The following ZNF707 variants were observed in gnomAD, a reference collection of about 807,000 sequenced individuals.
ZNF707 encodes zinc finger protein 707.
ZNF707 carries 8 observed loss-of-function variants against 13.3 expected under a neutral mutation model. The ratio of observed to expected loss-of-function variants is 0.60; its 90% CI spans 0.35 to 1.09. The LOEUF is 1.09. ZNF707 is among the 50% of genes least tolerant of loss of function. The pLI is 0.02. For synonymous variants in ZNF707, 225 were observed against 205.6 expected (o/e 1.09, Z -0.81); for missense variants, 530 against 512.6 (o/e 1.03, Z -0.33).
chr8:143,686,091 T>TTTTTTG (rs573364379), intron 1 of ZNF707, among the ~76,000 whole-genome samples: 15 of 147,762 alleles, frequency 1.0e-4, no homozygotes, highest in Non-Finnish European at 1.8e-4. Flanking sequence ...AGGGTGTTTT[T>TTTTTTG]TTTTTGTTTT....
At position 143,694,683 on chromosome 8, in the gene ZNF707, A is replaced by G; in HGVS notation, c.*153A>G. 3.6e-6 allele frequency: 3 copies of G among 842,828 alleles called. No individual in the cohort carries two copies. Among genetic ancestry groups the G allele is most frequent in the Non-Finnish European group, 5.3e-6 (3 of 571,362 alleles). The allele number at this position is 842,828 out of a possible 1,614,324, so 52.2% of individuals were successfully genotyped here. A position where few individuals can be genotyped will look rare whatever the true frequency, so the allele number is the denominator to read the frequency against. Reference sequence around the variant, plus strand: ...AGCTCCCCAGTCCCCCGAGAAGTTTACTGGGAAAACTGCCAGGTGGGAGAA... The same window carrying G: ...AGCTCCCCAGTCCCCCGAGAAGTTTGCTGGGAAAACTGCCAGGTGGGAGAA... On this transcript the variant is annotated 3_prime_UTR_variant, in exon 6 of 6. Transcript: ENST00000358656. The surrounding 1 kb of genome is among the most constrained non-coding windows in gnomAD (Gnocchi z 4.4).
At chr8:143,691,257 C>A in intron 4 of ZNF707, 58 bp downstream of exon 4, 1 of 1,554,702 alleles carries the variant, frequency 6.4e-7, no homozygotes. Context: ...AGCTCTGCCG[C>A]TGCCTCTGGG....
chr8:143,693,509 A>G lies in ZNF707; in HGVS notation c.257-162A>G, dbSNP rs1554614197. 6.7e-6 allele frequency among the ~76,000 whole-genome samples: 1 copy of G among 149,992 alleles called. No homozygotes were observed. The highest frequency in any genetic ancestry group is 2.5e-5 in the African/African-American group (1 of 40,510). On this transcript the variant is annotated intron_variant, in intron 5 of 5. Transcript: ENST00000358656. The surrounding 1 kb of genome is among the most constrained non-coding windows in gnomAD (Gnocchi z 4.1). ...ACGGGGTTTCACCTTGTTAGCCAGG[A>G]TGGTCTCGATCTCCTGACCTCATGA...
chr8:143,690,955 G>A, intron 3 of ZNF707, 118 bp from the exon 4 acceptor site: 1 of 1,312,020 alleles, frequency 7.6e-7, no homozygotes, highest in Non-Finnish European at 1.0e-6. Context: ...ATGGATTTAG[G>A]GGACACAAAC....
rs879955209 is a variant in ZNF707, at chr8:143,694,216, G to A, written c.802G>A (p.Ala268Thr). The change falls in exon 6 of 6, where the codon GCC (alanine) becomes ACC (threonine). Residue 268 changes from alanine (A) to threonine (T), a missense_variant. By Grantham distance (58) the Ala-to-Thr change is moderately conservative. Coordinates refer to ENST00000358656, the MANE Select transcript of ZNF707 (RefSeq NM_001100598.2). This position sits in a 1 kb window ranked among gnomAD's most constrained non-coding sequence, Gnocchi z 4.4. ...CTACTCGTGTGGCGACTGTGGGAAA[G>A]CCTTCAAGCAGAAGTCCAACCTTCT... ...RPYSCGDCGK[A>T]FKQKSNLLRH... is the part of the protein sequence containing the mutation. 1 of 1,581,984 alleles carries A rather than the reference G, an allele frequency of 6.3e-7. No homozygotes were observed. Among genetic ancestry groups the A allele is most frequent in the Non-Finnish European group, 8.6e-7 (1 of 1,164,586 alleles).
chr8:143,691,231 G>A (rs1554613523), intron 4 of ZNF707, 32 bp downstream of exon 4: 2 of 1,588,326 alleles, frequency 1.3e-6, no homozygotes, highest in Non-Finnish European at 1.7e-6. Flanking sequence ...CGTGAGCACA[G>A]GGTGAGTGCT....
Position 143,693,987 on chromosome 8 carries a change from G to C in ZNF707, c.573G>C (p.Leu191=), listed in dbSNP as rs782450752. 3 of 1,602,850 alleles carry C rather than the reference G, an allele frequency of 1.9e-6. No homozygotes were observed. Among genetic ancestry groups the C allele is most frequent in the African/African-American group, 2.7e-5 (2 of 74,804 alleles). Residue 191 remains leucine, a synonymous_variant, in exon 6 of 6, where the codon CTG becomes CTC. Coordinates refer to ENST00000358656, the MANE Select transcript of ZNF707 (RefSeq NM_001100598.2). This position sits in a 1 kb window ranked among gnomAD's most constrained non-coding sequence, Gnocchi z 4.1. ...CGKALSCHSR[L]LAHQTVHTGT... ...AGGCGCTCAGCTGCCACAGCCGGCT[G>C]CTCGCTCACCAGACGGTGCACACGG...
At chr8:143,685,774 T>C (rs1554611816) in intron 1 of ZNF707, among the ~76,000 whole-genome samples, 1 of 151,284 alleles carries the variant, frequency 6.6e-6, no homozygotes, top group Non-Finnish European at 1.5e-5. Context: ...GCCCAGGAGG[T>C]CGAGGCTGCA....
Position 143,691,732 on chromosome 8 carries a change from G to T in ZNF707, c.256+19G>T. 1 of 1,552,396 alleles carries T rather than the reference G, an allele frequency of 6.4e-7. No homozygotes were observed. Among genetic ancestry groups the T allele is most frequent in the South Asian group, 1.2e-5 (1 of 84,598 alleles). On this transcript the variant is annotated intron_variant, in intron 5 of 5. Coordinates refer to ENST00000358656, the MANE Select transcript of ZNF707 (RefSeq NM_001100598.2). ...CGGCCAGGTGAGTGCTGGGCTGTCT[G>T]GGCTCGGCGGGCCCCGTCCCTGTGG...
chr8:143,692,139 G>C, intron 5 of ZNF707: 2 of 1,304,060 alleles, frequency 1.5e-6, no homozygotes, highest in Non-Finnish European at 2.0e-6. Flanking sequence ...TTTGCTCCAC[G>C]TCCTTGTTTG....
Position 143,691,580 on chromosome 8 carries a change from CT to C in ZNF707, c.143-16del. 1 of 1,584,180 alleles carries C rather than the reference CT, an allele frequency of 6.3e-7. No homozygotes were observed. The highest frequency in any genetic ancestry group is 8.6e-7 in the Non-Finnish European group (1 of 1,165,048). On this transcript the variant is annotated intron_variant, in intron 4 of 5. Coordinates refer to ENST00000358656, the MANE Select transcript of ZNF707 (RefSeq NM_001100598.2). ...GTCCTCAGTACAAGTAAAACAGAAA[CT>C]TTTCTCTCCTTTGAGAAGGATTTTG...
chr8:143,686,600 C>T (rs546068778), intron 1 of ZNF707, among the ~76,000 whole-genome samples: 1 of 152,142 alleles, frequency 6.6e-6, no homozygotes, highest in South Asian at 2.1e-4. Context: ...TTATATAAGT[C>T]CTTTGTCAGA....
rs1554614539 is a variant in ZNF707 at position 143,694,053 on chromosome 8, C to T, written c.639C>T (p.Phe213=). The change falls in exon 6 of 6, where the codon TTC becomes TTT. Residue 213 remains phenylalanine, a synonymous_variant. Transcript: ENST00000358656. This position sits in a 1 kb window ranked among gnomAD's most constrained non-coding sequence, Gnocchi z 4.4. ...AGTGCCCCGAGTGCGGCCAGACCTT[C>T]CGGTGGGCTTCAAACCTGCAGCGCC... ...AFECPECGQT[F]RWASNLQRHQ... 6.2e-7 allele frequency: 1 copy of T among 1,607,780 alleles called. No homozygotes were observed. The highest frequency in any genetic ancestry group is 8.5e-7 in the Non-Finnish European group (1 of 1,178,020).
chr8:143,693,626 C>G lies in ZNF707; in HGVS notation c.257-45C>G. On this transcript the variant is annotated intron_variant, in intron 5 of 5. Transcript: ENST00000358656. This position sits in a 1 kb window ranked among gnomAD's most constrained non-coding sequence, Gnocchi z 4.1. ...GGGCTTTGCTGGAGGCACTGCCTGG[C>G]TGTGGGCCACTGGCTCTGTGTAAGG... is the stretch of plus-strand genomic sequence containing the variant. The G allele has an allele frequency of 6.7e-7, 1 of 1,494,868 alleles. No individual in the cohort carries two copies. Among genetic ancestry groups the G allele is most frequent in the Non-Finnish European group, 8.9e-7 (1 of 1,123,076 alleles). The allele number at this position is 1,494,868 out of a possible 1,614,324, so 92.6% of individuals were successfully genotyped here. A position where few individuals can be genotyped will look rare whatever the true frequency, so the allele number is the denominator to read the frequency against.
chr8:143,689,562 C>T (rs1554612958), intron 2 of ZNF707, among the ~76,000 whole-genome samples: 1 of 152,142 alleles, frequency 6.6e-6, no homozygotes, highest in Non-Finnish European at 1.5e-5. Flanking sequence ...ATTGGGGTTT[C>T]TCGGGGCTGC....
At chr8:143,690,155 C>G in intron 3 of ZNF707, 32 bp downstream of exon 3, 1 of 1,601,834 alleles carries the variant, frequency 6.2e-7, no homozygotes, top group African/African-American at 1.3e-5. Context: ...CGCAGCCTCC[C>G]TTCTGCCCTG....
intron 1 of ZNF707, chr8:143,687,132 A>G (rs1816362837): frequency 6.6e-6 from 1 of 151,982 alleles, no homozygotes; most frequent in South Asian, 2.1e-4. Context: ...CGGCCTCCCA[A>G]AGTGCTGGGA....
chr8:143,694,116 C>A lies in ZNF707; in HGVS notation c.702C>A (p.Cys234Ter). The A allele has an allele frequency of 6.2e-7, 1 of 1,601,334 alleles. No homozygotes were observed. The highest frequency in any genetic ancestry group is 1.7e-5 in the Admixed American group (1 of 58,854). Residue 234 changes from cysteine to a stop codon, truncating the protein, a stop_gained, in exon 6 of 6, where the codon TGC becomes TGA. Transcript: ENST00000358656. LOFTEE classifies it low-confidence loss of function (END_TRUNC). The surrounding 1 kb of genome is among the most constrained non-coding windows in gnomAD (Gnocchi z 4.4). ...ACACGCGCGAGAAGCCCTTCTGCTGCGAGGCCTGCGGGCAGGCGTTCAGCC... is the reference window on the plus strand; with the variant it reads ...ACACGCGCGAGAAGCCCTTCTGCTGAGAGGCCTGCGGGCAGGCGTTCAGCC... ...KNHTREKPFCCEACGQAFSLK... is the reference protein window; with the variant it reads ...KNHTREKPFC
chr8:143,691,007 C>A, intron 3 of ZNF707, 66 bp from the exon 4 acceptor site: 1 of 1,595,222 alleles, frequency 6.3e-7, no homozygotes, highest in Non-Finnish European at 8.6e-7. Context: ...CCCTTCCCAC[C>A]CAGACCTGTG....
Sources: allele counts gnomAD v4.1 joint callset (sites outside exome capture counted in the v4.1 genomes callset), GRCh38; gene constraint gnomAD v4.1.1; non-coding constraint Gnocchi (gnomAD v3.1); transcripts MANE v1.5; gene names NCBI Gene and HGNC (gene_info 2026-07-23, HGNC 2026-07-21).